Variants in MRTFB observed in about 807,000 individuals in gnomAD.
The protein encoded by MRTFB is myocardin-related transcription factor B.
A neutral mutation model predicts 104.2 loss-of-function variants in MRTFB; 29 were observed. That is an observed-to-expected ratio of 0.28 (90% CI 0.21 to 0.38). The LOEUF is 0.38. MRTFB is among the 10% of genes least tolerant of loss of function. MRTFB has a pLI of 1.00. For missense variants in MRTFB, 1,270 were observed against 1,341.6 expected (o/e 0.95, Z 0.83); for synonymous variants, 535 against 519.5 (o/e 1.03, Z -0.41).
chr16:14,257,228 G>T (rs933636277), intron 15 of MRTFB, among the ~76,000 whole-genome samples: 2 of 152,108 alleles, frequency 1.3e-5, no homozygotes, highest in African/African-American at 4.8e-5. Flanking sequence ...CTGTGATCCG[G>T]TCATTCCACT....
intron 2 of MRTFB, among the ~76,000 whole-genome samples, chr16:14,081,525 T>G (rs1277342277): frequency 1.3e-5 from 2 of 152,136 alleles, no homozygotes; most frequent in Admixed American, 6.5e-5. Flanking sequence ...ACTCCTGACC[T>G]CCGATGATCC....
rs548260031 is a variant in MRTFB at position 14,256,238 on chromosome 16, T to C, written c.2704-1863T>C. On this transcript the variant is annotated intron_variant, in intron 15 of 16. Coordinates refer to ENST00000571589, the MANE Select transcript of MRTFB (RefSeq NM_001308142.2). Reference sequence around the variant, plus strand: ...AGATGGGATGAATAGAAGACAAATATAAAATATAAAATAGTAAACCCAAAC... The same window carrying C: ...AGATGGGATGAATAGAAGACAAATACAAAATATAAAATAGTAAACCCAAAC... Among the ~76,000 whole-genome samples, 3 of 108,708 alleles carry C rather than the reference T, an allele frequency of 2.8e-5. No individual in the cohort carries two copies. In the South Asian group the frequency reaches 8.3e-4, roughly 30 times the overall value. 71.3% of individuals were successfully genotyped at this position (108,708 alleles called of 152,430 possible). A position where few individuals can be genotyped will look rare whatever the true frequency, so the allele number is the denominator to read the frequency against.
chr16:14,118,630 C>T (rs1691605368), intron 2 of MRTFB, among the ~76,000 whole-genome samples: 1 of 151,620 alleles, frequency 6.6e-6, no homozygotes, highest in Admixed American at 6.6e-5. Context: ...GGCCAAACCC[C>T]ATCTCTACAA....
intron 3 of MRTFB, chr16:14,153,204 AAAATAT>A (rs2038702173): frequency 1.3e-5 from 2 of 152,224 alleles, no homozygotes; most frequent in Admixed American, 1.3e-4. Context: ...ATTGATGTTT[AAAATAT>A]AAATAAAATG....
chr16:14,077,728 T>C (rs1443310529), intron 1 of MRTFB, among the ~76,000 whole-genome samples: 1 of 152,132 alleles, frequency 6.6e-6, no homozygotes, highest in African/African-American at 2.4e-5. Context: ...AGAGAAAACG[T>C]GTGAAACTCA....
intron 3 of MRTFB, among the ~76,000 whole-genome samples, chr16:14,204,059 C>A (rs1251155915): frequency 6.6e-6 from 1 of 152,106 alleles, no homozygotes; most frequent in Non-Finnish European, 1.5e-5. Context: ...AACTCCTGGG[C>A]TCAAGTGATC....
At chr16:13,998,671 A>T in the MRTFB span, among the ~76,000 whole-genome samples, 2 of 151,346 alleles carry the variant, frequency 1.3e-5, no homozygotes, top group Non-Finnish European at 2.9e-5. Context: ...AGAGAAGGTG[A>T]AGGAGGAAGA....
intron 3 of MRTFB, among the ~76,000 whole-genome samples, chr16:14,189,302 T>G (rs1257386195): frequency 6.6e-6 from 1 of 152,224 alleles, no homozygotes; most frequent in African/African-American, 2.4e-5. Flanking sequence ...TGCCTGCAGA[T>G]GAACAACAGT....
At chr16:14,075,261 T>A (rs912273056) in intron 1 of MRTFB, among the ~76,000 whole-genome samples, 1 of 152,232 alleles carries the variant, frequency 6.6e-6, no homozygotes, top group East Asian at 1.9e-4. Context: ...CACAGCAAAC[T>A]CAATCACGTG....
intron 3 of MRTFB, among the ~76,000 whole-genome samples, chr16:14,161,758 T>G (rs1206241739): frequency 6.6e-6 from 1 of 152,136 alleles, no homozygotes; most frequent in African/African-American, 2.4e-5. Flanking sequence ...GACAAGAGCT[T>G]TCACAGATAC....
intron 2 of MRTFB, among the ~76,000 whole-genome samples, chr16:14,114,543 C>T (rs911893196): frequency 3.9e-5 from 6 of 152,214 alleles, no homozygotes; most frequent in East Asian, 1.9e-4. Context: ...TTCCTGCCTG[C>T]ACTTGAGGCT....
chr16:14,156,745 T>C (rs779502085), intron 3 of MRTFB, among the ~76,000 whole-genome samples: 18 of 152,246 alleles, frequency 1.2e-4, no homozygotes, highest in Non-Finnish European at 2.5e-4. Flanking sequence ...TTTTAAAATA[T>C]TCTCTTTTCC....
intron 10 of MRTFB, among the ~76,000 whole-genome samples, chr16:14,241,991 T>TAAA (rs2042791805): frequency 6.7e-6 from 1 of 148,492 alleles, no homozygotes; most frequent in African/African-American, 2.5e-5. Context: ...ATAATAATAA[T>TAAA]AATAATAATA....
chr16:14,206,255 C>T (rs1268115321), intron 3 of MRTFB, among the ~76,000 whole-genome samples: 4 of 152,160 alleles, frequency 2.6e-5, no homozygotes, highest in East Asian at 3.9e-4. Flanking sequence ...CTTCCTCAGT[C>T]GTGGATAAGC....
intron 2 of MRTFB, among the ~76,000 whole-genome samples, chr16:14,137,363 A>T (rs534545787): frequency 5.7e-4 from 87 of 152,302 alleles, no homozygotes; most frequent in Non-Finnish European, 1.1e-3. Context: ...TAAGGTGAGC[A>T]TAAAGTCAAG....
chr16:14,083,932 C>T (rs1365915975), intron 2 of MRTFB, among the ~76,000 whole-genome samples: 1 of 152,106 alleles, frequency 6.6e-6, no homozygotes, highest in Non-Finnish European at 1.5e-5. Context: ...TTTGAGATAA[C>T]AAGGTTTCTA....
At chr16:14,054,977 A>G in the MRTFB span, among the ~76,000 whole-genome samples, 1 of 152,262 alleles carries the variant, frequency 6.6e-6, no homozygotes, top group African/African-American at 2.4e-5. Context: ...AAGCAACAGC[A>G]CATTCCCAAA....
At chr16:14,138,691 G>A (rs1407820334) in intron 2 of MRTFB, among the ~76,000 whole-genome samples, 1 of 152,174 alleles carries the variant, frequency 6.6e-6, no homozygotes, top group African/African-American at 2.4e-5. Context: ...GAGACTTGGA[G>A]CACAGTGCAT....
chr16:14,163,415 C>G (rs1258805349), intron 3 of MRTFB, among the ~76,000 whole-genome samples: 1 of 152,116 alleles, frequency 6.6e-6, no homozygotes, highest in Non-Finnish European at 1.5e-5. Flanking sequence ...TAGCATTGTC[C>G]TATCAATTTA....
Sources: allele counts gnomAD v4.1 joint callset (sites outside exome capture counted in the v4.1 genomes callset), GRCh38; gene constraint gnomAD v4.1.1; transcripts MANE v1.5; gene names NCBI Gene and HGNC (gene_info 2026-07-23, HGNC 2026-07-21).